The following C10orf90 variants were observed in gnomAD, a reference collection of about 807,000 sequenced individuals.
C10orf90 encodes (E2-independent) E3 ubiquitin-conjugating enzyme FATS.
In C10orf90, 56 loss-of-function variants were observed where a neutral mutation model predicts 62.5. That is an observed-to-expected ratio of 0.90 (90% CI 0.72 to 1.12). The LOEUF (loss-of-function observed/expected upper bound fraction) is 1.12. C10orf90 is among the 50% of genes most tolerant of loss of function. C10orf90 has a pLI of 0.00. For missense variants in C10orf90, 970 were observed against 880.4 expected (o/e 1.10, Z -1.29); for synonymous variants, 386 against 340.4 (o/e 1.13, Z -1.47).
intron 2 of C10orf90, among the ~76,000 whole-genome samples, chr10:126,547,812 T>C (rs1864538463): frequency 2.0e-5 from 3 of 151,944 alleles, no homozygotes; most frequent in Admixed American, 2.0e-4. Flanking sequence ...GACAGAACAA[T>C]TGAAATTGCC....
intron 4 of C10orf90, among the ~76,000 whole-genome samples, chr10:126,490,496 C>T (rs533496361): frequency 1.3e-5 from 2 of 151,700 alleles, no homozygotes; most frequent in South Asian, 2.1e-4. Context: ...GGGTATATAG[C>T]GTTTAATGGG....
chr10:126,465,454 T>A (rs1860230817), intron 4 of C10orf90, among the ~76,000 whole-genome samples: 1 of 151,734 alleles, frequency 6.6e-6, no homozygotes, highest in African/African-American at 2.4e-5. Flanking sequence ...ATATCTATAT[T>A]ATTATATAAA....
intron 4 of C10orf90, among the ~76,000 whole-genome samples, chr10:126,487,930 G>T (rs1333596738): frequency 6.6e-6 from 1 of 152,120 alleles, no homozygotes; most frequent in Non-Finnish European, 1.5e-5. Context: ...ATTCTAACTT[G>T]CTCCAGAGAT....
intron 3 of C10orf90, among the ~76,000 whole-genome samples, chr10:126,512,938 A>G (rs573193760): frequency 1.3e-5 from 2 of 152,322 alleles, no homozygotes; most frequent in African/African-American, 4.8e-5. Flanking sequence ...GAGCTAAATC[A>G]AAGTAATACC....
chr10:126,512,412 C>G (rs200623511), intron 3 of C10orf90, among the ~76,000 whole-genome samples: 3 of 84,988 alleles, frequency 3.5e-5, no homozygotes, highest in African/African-American at 2.1e-4. Context: ...GTCTGTGTGT[C>G]TGTGTGTGTG....
chr10:126,601,173 GC>G (rs1380271851), intron 2 of C10orf90, among the ~76,000 whole-genome samples: 1 of 152,244 alleles, frequency 6.6e-6, no homozygotes, highest in South Asian at 2.1e-4. Flanking sequence ...AGAACAGAAA[GC>G]CCCCGGGTCA....
At chr10:126,556,355 C>A (rs1300615803) in intron 2 of C10orf90, among the ~76,000 whole-genome samples, 2 of 152,190 alleles carry the variant, frequency 1.3e-5, no homozygotes, top group Non-Finnish European at 2.9e-5. Context: ...TCTCCCTCCA[C>A]GTTTAAATAG....
intron 2 of C10orf90, among the ~76,000 whole-genome samples, chr10:126,540,665 TAA>T (rs59077222): frequency 6.2e-4 from 83 of 134,720 alleles, no homozygotes; most frequent in Admixed American, 1.2e-3. Context: ...AGACCTTGTC[TAA>T]AAAAAAAAAA....
At chr10:126,507,462 T>C (rs1862817141) in intron 3 of C10orf90, among the ~76,000 whole-genome samples, 1 of 150,546 alleles carries the variant, frequency 6.6e-6, no homozygotes, top group Admixed American at 6.6e-5. Context: ...ATTTACTTCA[T>C]TTAAAAATAA....
intron 1 of C10orf90, among the ~76,000 whole-genome samples, chr10:126,655,061 C>G (rs948965928): frequency 6.6e-6 from 1 of 152,138 alleles, no homozygotes; most frequent in African/African-American, 2.4e-5. Context: ...TGGCTCACAC[C>G]TGTAATCCCA....
At chr10:126,528,127 A>G (rs1179241136) in intron 2 of C10orf90, among the ~76,000 whole-genome samples, 3 of 152,152 alleles carry the variant, frequency 2.0e-5, no homozygotes, top group African/African-American at 7.2e-5. Flanking sequence ...GCCAGGTCCC[A>G]GTATGGCCTT....
intron 2 of C10orf90, among the ~76,000 whole-genome samples, chr10:126,583,117 G>A (rs761187373): frequency 6.6e-5 from 10 of 152,182 alleles, no homozygotes; most frequent in Non-Finnish European, 1.2e-4. Flanking sequence ...GATGTCTCCA[G>A]ATATTTTTGT....
rs116914895 is a variant in C10orf90, at chr10:126,511,154, G to A, written c.405+2694C>T. On this transcript the variant is annotated intron_variant, in intron 3 of 9. Transcript: ENST00000488181. ...GCCTAGGGGCATTTCATCTCGAATG[G>A]AAGCGCATTTTCCAGTGTATGAACT... is the stretch of plus-strand genomic sequence containing the variant. Among the ~76,000 whole-genome samples, 1,423 of 152,262 alleles carry A rather than the reference G, an allele frequency of 9.3e-3. 17 individuals are homozygous for A. The highest frequency in any genetic ancestry group is 0.012 in the Non-Finnish European group (826 of 68,032).
At chr10:126,657,538 T>C (rs927719252) in intron 1 of C10orf90, among the ~76,000 whole-genome samples, 5 of 152,210 alleles carry the variant, frequency 3.3e-5, no homozygotes, top group Admixed American at 6.5e-5. Context: ...TGAAGTCCAA[T>C]TGATCAATTT....
At chr10:126,663,997 G>T (rs149191389) in intron 1 of C10orf90, among the ~76,000 whole-genome samples, 1 of 152,248 alleles carries the variant, frequency 6.6e-6, no homozygotes, top group African/African-American at 2.4e-5. Context: ...CTTAGCCCTA[G>T]CTTTATCGTG....
At chr10:126,630,861 AT>A (rs1215642620) in intron 2 of C10orf90, among the ~76,000 whole-genome samples, 2 of 152,158 alleles carry the variant, frequency 1.3e-5, no homozygotes, top group African/African-American at 4.8e-5. Context: ...CTGGGGCTCT[AT>A]TTGCAACAAC....
At chr10:126,560,917 A>G (rs2118111) in intron 2 of C10orf90, among the ~76,000 whole-genome samples, 65,185 of 152,122 alleles carry the variant, frequency 0.43, 14,069 homozygotes, top group African/African-American at 0.45. Flanking sequence ...TGTAGAAAAC[A>G]TGCTTAGCTC....
chr10:126,442,509 C>G (rs1184672953), intron 7 of C10orf90, among the ~76,000 whole-genome samples: 1 of 35,084 alleles, frequency 2.9e-5, no homozygotes, highest in Non-Finnish European at 5.0e-5. Context: ...ATATATATAT[C>G]TGTTAAGTCC....
intron 2 of C10orf90, among the ~76,000 whole-genome samples, chr10:126,530,508 T>C (rs1009260008): frequency 1.3e-5 from 2 of 151,214 alleles, no homozygotes; most frequent in African/African-American, 2.4e-5. Context: ...TGAAAAAAAA[T>C]ACCTTACCAA....
Sources: allele counts gnomAD v4.1 joint callset (sites outside exome capture counted in the v4.1 genomes callset), GRCh38; gene constraint gnomAD v4.1.1; transcripts MANE v1.5; gene names NCBI Gene and HGNC (gene_info 2026-07-23, HGNC 2026-07-21).